Variants in KLHDC4 observed in about 807,000 individuals in gnomAD.
KLHDC4 encodes kelch domain containing 4.
A neutral mutation model predicts 62.4 loss-of-function variants in KLHDC4; 90 were observed. The observed-to-expected ratio is 1.44, with a 90% CI of 1.22 to 1.72. The LOEUF (loss-of-function observed/expected upper bound fraction) is 1.72. KLHDC4 is among the 40% of genes most tolerant of loss of function. The pLI is 0.00. For synonymous variants in KLHDC4, 386 were observed against 284.4 expected (o/e 1.36, Z -3.59); for missense variants, 1,025 against 699.7 (o/e 1.47, Z -5.25).
intron 7 of KLHDC4, among the ~76,000 whole-genome samples, chr16:87,718,804 C>A (rs1049918389): frequency 1.3e-5 from 2 of 151,628 alleles, no homozygotes; most frequent in Non-Finnish European, 2.9e-5. Context: ...GGCCGCCCAT[C>A]GTCTGAGATG....
At position 87,711,225 on chromosome 16, in the gene KLHDC4, G is replaced by A. The variant is rs1167873886; in HGVS notation, c.1044+10C>T. On this transcript the variant is annotated intron_variant, in intron 9 of 11. Transcript: ENST00000270583. Reference sequence around the variant, plus strand: ...GCACCACGGCGCATGCTACTCAGAGGTTGCACTACCTTCAGCTGTCCCTCA... The same window carrying A: ...GCACCACGGCGCATGCTACTCAGAGATTGCACTACCTTCAGCTGTCCCTCA... The A allele has an allele frequency of 7.4e-6, 12 of 1,613,676 alleles. No individual in the cohort carries two copies. The highest frequency in any genetic ancestry group is 1.6e-4 in the Middle Eastern group (1 of 6,084).
intron 5 of KLHDC4, among the ~76,000 whole-genome samples, chr16:87,745,412 G>C (rs953524676): frequency 7.2e-5 from 11 of 152,322 alleles, no homozygotes; most frequent in African/African-American, 2.6e-4. Flanking sequence ...CTGCTGCAGA[G>C]GGCACCACCT....
At chr16:87,745,388 C>T (rs1233810630) in intron 5 of KLHDC4, among the ~76,000 whole-genome samples, 2 of 152,224 alleles carry the variant, frequency 1.3e-5, no homozygotes, top group Admixed American at 6.5e-5. Context: ...GGTGCCTCTG[C>T]CCCGCCTTCT....
At chr16:87,718,741 AGCGCC>A (rs1390238683) in intron 7 of KLHDC4, among the ~76,000 whole-genome samples, 6 of 145,826 alleles carry the variant, frequency 4.1e-5, no homozygotes, top group South Asian at 2.2e-4. Context: ...GGAAGTGAGG[AGCGCC>A]TCTTCCCGGC....
intron 4 of KLHDC4, among the ~76,000 whole-genome samples, chr16:87,752,093 A>G (rs1249101524): frequency 7.1e-6 from 1 of 141,522 alleles, no homozygotes. Context: ...TTGTCTCAAA[A>G]AAAAAAAAAA....
At chr16:87,750,796 CAG>C (rs977518070) in intron 4 of KLHDC4, 37 of 152,328 alleles carry the variant, frequency 2.4e-4, no homozygotes, top group Non-Finnish European at 8.8e-5. Context: ...TAGCAGCACA[CAG>C]GGGGTGGCGT....
downstream of KLHDC4, among the ~76,000 whole-genome samples, chr16:87,704,544 T>A (rs1207400933): frequency 6.6e-5 from 9 of 137,042 alleles, no homozygotes; most frequent in Non-Finnish European, 1.1e-4. Flanking sequence ...GGAGGGGTCC[T>A]GAACGTCACG....
intron 7 of KLHDC4, among the ~76,000 whole-genome samples, chr16:87,723,771 A>G (rs978706354): frequency 6.6e-6 from 1 of 152,274 alleles, no homozygotes; most frequent in African/African-American, 2.4e-5. Context: ...AAACAGACCT[A>G]TGTTCCTGCA....
rs562961065 is a variant in KLHDC4, at chr16:87,748,933, C to T, written c.370-124G>A. ...ATGCCCTGCAACATGACCAGCCCCACACTCAGCCACTTTCCTCTCCTGCCT... is the reference window on the plus strand; with the variant it reads ...ATGCCCTGCAACATGACCAGCCCCATACTCAGCCACTTTCCTCTCCTGCCT... On this transcript the variant is annotated intron_variant, in intron 4 of 11. Coordinates refer to ENST00000270583, the MANE Select transcript of KLHDC4 (RefSeq NM_017566.4). 13 of 1,091,188 alleles carry T rather than the reference C, an allele frequency of 1.2e-5. No individual in the cohort carries two copies. In the African/African-American group the frequency reaches 2.0e-4, roughly 17 times the overall value. 67.6% of individuals were successfully genotyped at this position (1,091,188 alleles called of 1,614,324 possible). A position where few individuals can be genotyped will look rare whatever the true frequency, so the allele number is the denominator to read the frequency against.
rs1415326839 is a variant in KLHDC4 at position 87,726,924 on chromosome 16, C to G, written c.600G>C (p.Arg200=). The part of the protein sequence containing the change: ...ILFGGFHEST[R]DYIYYNDVYA... ...ACACGTCGTTGTAGTAGATGTAATC[C>G]CTGGTTAGAAGAACAGCAGCTGTCA... The change falls in exon 7 of 12, where the codon CGG becomes CGC. Residue 200 remains arginine (R), a splice_region_variant and synonymous_variant. Transcript: ENST00000270583. 6.2e-7 allele frequency: 1 copy of G among 1,613,508 alleles called. No individual in the cohort carries two copies. Among genetic ancestry groups the G allele is most frequent in the African/African-American group, 1.3e-5 (1 of 74,842 alleles).
At chr16:87,748,922 G>C in intron 4 of KLHDC4, 113 bp from the exon 5 acceptor site, 1 of 1,245,438 alleles carries the variant, frequency 8.0e-7, no homozygotes, top group Non-Finnish European at 1.1e-6. Context: ...CCTGCAACAT[G>C]ACCAGCCCCA....
intron 2 of KLHDC4, among the ~76,000 whole-genome samples, chr16:87,759,218 G>T (rs904808572): frequency 2.0e-5 from 3 of 151,188 alleles, no homozygotes; most frequent in Non-Finnish European, 2.9e-5. Context: ...GGCAAATTTT[G>T]TTAAACATTT....
In KLHDC4 at chr16:87,726,805, G is replaced by T. The variant is rs747304067; in HGVS notation, c.719C>A (p.Pro240His). 4 of 1,609,462 alleles carry T rather than the reference G, an allele frequency of 2.5e-6. No homozygotes were observed. The African/African-American group carries it at 5.4e-5, about 22-fold the overall frequency. ...PRSGCQMSVT[P>H]QGGIVVYGGY... ...CCCATAGACGACGATGCCGCCCTGG[G>T]GAGTGACGGACATCTGGCAGCCTGA... Residue 240 changes from proline (P) to histidine (H), a missense_variant, in exon 7 of 12, where the codon CCC (proline) becomes CAC (histidine). By Grantham distance (77) the Pro-to-His change is moderately conservative (BLOSUM62 -2). Transcript: ENST00000270583.
chr16:87,750,006 G>T (rs568142790), intron 4 of KLHDC4, among the ~76,000 whole-genome samples: 3 of 152,336 alleles, frequency 2.0e-5, no homozygotes, highest in African/African-American at 7.2e-5. Context: ...TGAGGAGAGA[G>T]CAGACCACCA....
rs151113331 is a variant in KLHDC4 at position 87,708,384 on chromosome 16, T to G, written c.1530A>C (p.Glu510Asp). ...VEGAEGGVDD[E>D]DSGEESGAED ...CCGCACCGCTCTCCTCTCCGCTGTC[T>G]TCGTCGTCGACCCCACCCTCGGCGC... The change falls in exon 11 of 12, where the codon GAA becomes GAC. Residue 510 changes from glutamate to aspartate, a missense_variant. Glu to Asp is a conservative substitution (Grantham distance 45). Coordinates refer to ENST00000270583, the MANE Select transcript of KLHDC4 (RefSeq NM_017566.4). 2.9e-4 allele frequency: 466 copies of G among 1,610,700 alleles called. 1 individual carries two copies. The East Asian group carries it at 5.0e-3, about 17-fold the overall frequency.
Position 87,709,361 on chromosome 16 carries a change from A to C in KLHDC4, c.1351T>G (p.Phe451Val). Residue 451 changes from phenylalanine to valine, a missense_variant, in exon 10 of 12, where the codon TTT becomes GTT. Phe to Val is a conservative substitution (Grantham distance 50). Transcript: ENST00000270583. ...HGVLYVYGGM[F>V]EAGDRQVTLS... ...GTGACCTGGCGGTCGCCGGCCTCAA[A>C]CATGCCCCCATAGACGTAGAGCACC... is the stretch of plus-strand genomic sequence containing the variant. 6.2e-7 allele frequency: 1 copy of C among 1,613,474 alleles called. No individual in the cohort carries two copies.
chr16:87,759,961 T>C (rs1418913150), intron 2 of KLHDC4, among the ~76,000 whole-genome samples: 4 of 152,096 alleles, frequency 2.6e-5, no homozygotes, highest in Admixed American at 6.6e-5. Flanking sequence ...ATGCCCCCAT[T>C]TTCCAGGTAG....
intron 7 of KLHDC4, among the ~76,000 whole-genome samples, chr16:87,716,357 C>A: frequency 6.6e-6 from 1 of 152,154 alleles, no homozygotes; most frequent in African/African-American, 2.4e-5. Flanking sequence ...TGGGTACGCG[C>A]TATGTCTCGT....
chr16:87,700,193 T>TG (rs2034070695), exon 1 of KLHDC4: 1 of 153,540 alleles, frequency 6.5e-6, no homozygotes, highest in African/African-American at 2.4e-5. Context: ...CTCTAGGTCA[T>TG]GCTCACTTTC....
Sources: allele counts gnomAD v4.1 joint callset (sites outside exome capture counted in the v4.1 genomes callset), GRCh38; gene constraint gnomAD v4.1.1; transcripts MANE v1.5; gene names NCBI Gene and HGNC (gene_info 2026-07-23, HGNC 2026-07-21).